Variants in SERGEF observed in about 807,000 individuals in gnomAD.
The protein encoded by SERGEF is secretion-regulating guanine nucleotide exchange factor.
In SERGEF, 51 loss-of-function variants were observed where a neutral mutation model predicts 50.0. That is an observed-to-expected ratio of 1.02 (90% CI 0.81 to 1.29). The LOEUF (loss-of-function observed/expected upper bound fraction) is 1.29. Among genes scored for constraint, SERGEF ranks in the 50% most tolerant of loss-of-function variants. The probability of loss-of-function intolerance (pLI) is 0.00; values close to 1 mark genes in which losing one functional copy is unlikely to be tolerated. For missense variants in SERGEF, 521 were observed against 557.0 expected (o/e 0.94, Z 0.65); for synonymous variants, 205 against 212.4 (o/e 0.97, Z 0.30).
intron 8 of SERGEF, among the ~76,000 whole-genome samples, chr11:17,967,277 T>A (rs1417426074): frequency 6.6e-6 from 1 of 152,192 alleles, no homozygotes; most frequent in Non-Finnish European, 1.5e-5. Flanking sequence ...CTGCAGGGGA[T>A]GCACAGGTCT....
chr11:17,990,291 C>T (rs2133997878), intron 7 of SERGEF, among the ~76,000 whole-genome samples: 1 of 152,352 alleles, frequency 6.6e-6, no homozygotes, highest in Middle Eastern at 3.4e-3. Flanking sequence ...GTTTCCTCAA[C>T]TCCAAAATGA....
At chr11:17,875,538 T>C (rs1223846338) in intron 10 of SERGEF, among the ~76,000 whole-genome samples, 1 of 152,262 alleles carries the variant, frequency 6.6e-6, no homozygotes, top group South Asian at 2.1e-4. Context: ...TTCGCTTCTA[T>C]GTGCGCTGGG....
intron 10 of SERGEF, among the ~76,000 whole-genome samples, chr11:17,797,569 T>C (rs1175827510): frequency 6.6e-6 from 1 of 151,796 alleles, no homozygotes; most frequent in Non-Finnish European, 1.5e-5. Context: ...TCTATTTTTC[T>C]TCATTTTTTT....
At chr11:17,992,288 T>C (rs1303373959) in intron 7 of SERGEF, among the ~76,000 whole-genome samples, 2 of 152,124 alleles carry the variant, frequency 1.3e-5, no homozygotes, top group East Asian at 1.9e-4. Context: ...ACAGATTAGA[T>C]ATTACAAAGA....
At chr11:18,000,416 T>C in intron 5 of SERGEF, 81 bp downstream of exon 5, 2 of 974,062 alleles carry the variant, frequency 2.1e-6, no homozygotes, top group Non-Finnish European at 3.0e-6. Flanking sequence ...GCCACTGCAC[T>C]CCAGCCTGGG....
chr11:17,963,840 A>G (rs1853065424), intron 8 of SERGEF, among the ~76,000 whole-genome samples: 1 of 152,214 alleles, frequency 6.6e-6, no homozygotes, highest in Non-Finnish European at 1.5e-5. Context: ...AGGCACTTTT[A>G]CCATCCCCAT....
intron 3 of SERGEF, 103 bp from the exon 4 acceptor site, chr11:18,004,638 T>G: frequency 5.3e-6 from 4 of 758,976 alleles, no homozygotes; most frequent in Non-Finnish European, 9.0e-6. Context: ...TGAGGGGAAG[T>G]GCTTCAGTGC....
chr11:17,843,885 A>T (rs933257034), intron 10 of SERGEF, among the ~76,000 whole-genome samples: 1 of 152,216 alleles, frequency 6.6e-6, no homozygotes, highest in Non-Finnish European at 1.5e-5. Context: ...AAAACATCAG[A>T]ACCAGAGGGG....
chr11:17,981,191 C>T (rs1853489328), intron 8 of SERGEF, among the ~76,000 whole-genome samples: 1 of 152,222 alleles, frequency 6.6e-6, no homozygotes, highest in South Asian at 2.1e-4. Flanking sequence ...AGTTGCTCAT[C>T]CAACCACAAG....
At chr11:17,909,209 T>C (rs772616741) in intron 9 of SERGEF, among the ~76,000 whole-genome samples, 33 of 152,212 alleles carry the variant, frequency 2.2e-4, no homozygotes, top group African/African-American at 5.8e-4. Context: ...AGATTCTTCA[T>C]TGGCAAAATG....
At chr11:17,951,698 C>T (rs1852777971) in intron 9 of SERGEF, among the ~76,000 whole-genome samples, 1 of 152,166 alleles carries the variant, frequency 6.6e-6, no homozygotes, top group Admixed American at 6.5e-5. Context: ...TGTTGGTGTT[C>T]AGGGCTAGCA....
chr11:17,918,799 T>C (rs927281102), intron 9 of SERGEF: 2 of 416,326 alleles, frequency 4.8e-6, no homozygotes, highest in African/African-American at 4.2e-5. Flanking sequence ...AAGCAGAATA[T>C]GGATTAGGCA....
At chr11:17,982,475 G>A (rs1590232260) in intron 8 of SERGEF, among the ~76,000 whole-genome samples, 1 of 152,070 alleles carries the variant, frequency 6.6e-6, no homozygotes, top group African/African-American at 2.4e-5. Context: ...TCACTCATGG[G>A]GTTTTCAAAA....
chr11:17,912,578 G>A (rs1295707772), intron 9 of SERGEF, among the ~76,000 whole-genome samples: 6 of 152,166 alleles, frequency 3.9e-5, no homozygotes, highest in African/African-American at 1.4e-4. Context: ...TCTAATGTAT[G>A]CCAGGCATTG....
chr11:17,942,023 T>TC (rs34728409), intron 9 of SERGEF, among the ~76,000 whole-genome samples: 58,468 of 152,028 alleles, frequency 0.38, 11,438 homozygotes, highest in East Asian at 0.49. Flanking sequence ...TTATAGCAAA[T>TC]TTGAAGTCGG....
rs148951638 is a variant in SERGEF at position 18,003,604 on chromosome 11, C to T, written c.447+837G>A. ...CTGTAATCCCAGCTACTCGGGAGGC[C>T]GAGGCAGGGAACTGCTTGAACCTGG... On this transcript the variant is annotated intron_variant, in intron 4 of 10. Coordinates refer to ENST00000265965, the MANE Select transcript of SERGEF (RefSeq NM_012139.4). Among the ~76,000 whole-genome samples the T allele has an allele frequency of 7.0e-4, 107 of 152,222 alleles. 1 individual carries two copies. Among genetic ancestry groups the T allele is most frequent in the African/African-American group, 2.4e-3 (100 of 41,530 alleles).
chr11:17,877,388 C>T (rs1286654503), intron 10 of SERGEF, among the ~76,000 whole-genome samples: 2 of 152,232 alleles, frequency 1.3e-5, no homozygotes, highest in East Asian at 1.9e-4. Flanking sequence ...GTAATAATAA[C>T]GAACATTACC....
chr11:17,887,944 T>A (rs1851461967), intron 9 of SERGEF, among the ~76,000 whole-genome samples: 1 of 152,152 alleles, frequency 6.6e-6, no homozygotes, highest in Non-Finnish European at 1.5e-5. Context: ...GGAGCGAAGC[T>A]TCATCTGTAT....
intron 10 of SERGEF, among the ~76,000 whole-genome samples, chr11:17,832,151 C>T (rs1850319905): frequency 6.6e-6 from 1 of 152,146 alleles, no homozygotes; most frequent in Non-Finnish European, 1.5e-5. Context: ...TTGGCTGTGT[C>T]CCCATCCAAC....
Sources: allele counts gnomAD v4.1 joint callset (sites outside exome capture counted in the v4.1 genomes callset), GRCh38; gene constraint gnomAD v4.1.1; transcripts MANE v1.5; gene names NCBI Gene and HGNC (gene_info 2026-07-23, HGNC 2026-07-21).